The following ADPRHL1 variants were observed in gnomAD, a reference collection of about 807,000 sequenced individuals.
ADPRHL1 encodes the protein inactive ADP-ribosyltransferase ARH2.
Under a neutral mutation model 44.1 loss-of-function variants are expected in ADPRHL1, and 43 were observed. The ratio of observed to expected loss-of-function variants is 0.98; its 90% confidence interval spans 0.76 to 1.26. The LOEUF is 1.26. Ranked by LOEUF, ADPRHL1 falls within the 50% of genes most tolerant of loss-of-function variation. ADPRHL1 has a pLI of 0.00. For missense variants in ADPRHL1, 2,022 were observed against 2,496.9 expected (o/e 0.81, Z 4.05); for synonymous variants, 878 against 1,017.4 (o/e 0.86, Z 2.61).
intron 3 of ADPRHL1, among the ~76,000 whole-genome samples, chr13:113,432,668 G>A (rs2044015392): frequency 6.6e-6 from 1 of 152,188 alleles, no homozygotes; most frequent in Non-Finnish European, 1.5e-5. Context: ...GTGGGGGTGG[G>A]ACGGCCAGGC....
At position 113,405,857 on chromosome 13, in the gene ADPRHL1, C is replaced by A. The variant is rs1595535684; in HGVS notation, c.3425G>T (p.Gly1142Val). Residue 1142 changes from glycine to valine, a missense_variant, in exon 8 of 8, where the codon GGA becomes GTA. By Grantham distance (109) the Gly-to-Val change is moderately radical (BLOSUM62 -3). Coordinates refer to ENST00000612156, the MANE Select transcript of ADPRHL1 (RefSeq NM_001394807.1). ...CCACTGGCCCAGCGTCTCTGGCTCT[C>A]CCGCTGTGCGGTCTCCAGGGCTCTG... ...STQSPGDRTA[G>V]EPETLGQWGS... The A allele has an allele frequency of 8.1e-7, 1 of 1,231,956 alleles. No individual in the cohort carries two copies. 76.3% of individuals were successfully genotyped at this position (1,231,956 alleles called of 1,614,324 possible).
chr13:113,436,862 C>T (rs1481143392), intron 2 of ADPRHL1, among the ~76,000 whole-genome samples: 12 of 134,482 alleles, frequency 8.9e-5, no homozygotes, highest in East Asian at 2.3e-4. Context: ...CCCCGGGACC[C>T]GGCACCCAGG....
chr13:113,444,286 A>C, intron 2 of ADPRHL1, 139 bp downstream of exon 2: 1 of 1,237,964 alleles, frequency 8.1e-7, no homozygotes, highest in Non-Finnish European at 1.1e-6. Flanking sequence ...AGGGGCCCCC[A>C]CCCGACAAAG....
At chr13:113,430,685 C>A (rs536655842) in intron 3 of ADPRHL1, among the ~76,000 whole-genome samples, 2 of 150,284 alleles carry the variant, frequency 1.3e-5, no homozygotes, top group Non-Finnish European at 3.0e-5. Flanking sequence ...GTGACAAAAG[C>A]GGAGCAGTGA....
At chr13:113,419,458 C>T (rs1207278929) in intron 7 of ADPRHL1, among the ~76,000 whole-genome samples, 2 of 151,846 alleles carry the variant, frequency 1.3e-5, no homozygotes, top group African/African-American at 4.8e-5. Flanking sequence ...AATAAAAACT[C>T]CATCACTTAA....
At chr13:113,413,575 G>A (rs1042324048) in intron 7 of ADPRHL1, among the ~76,000 whole-genome samples, 15 of 152,198 alleles carry the variant, frequency 9.9e-5, no homozygotes, top group Admixed American at 7.2e-4. Flanking sequence ...TGGGCCTCTC[G>A]CCCTTTCCCA....
Position 113,408,129 on chromosome 13 carries a change from C to A in ADPRHL1, c.1153G>T (p.Ala385Ser), listed in dbSNP as rs1023648930. 8.1e-7 allele frequency: 1 copy of A among 1,232,058 alleles called. No homozygotes were observed. 76.3% of individuals were successfully genotyped at this position (1,232,058 alleles called of 1,614,324 possible). Residue 385 changes from alanine to serine, a missense_variant, in exon 8 of 8, where the codon GCC becomes TCC. Ala to Ser is a moderately conservative substitution (Grantham distance 99, BLOSUM62 1). Transcript: ENST00000612156. ...KMGKLACDPA[A>S]HSILSSLLLY... ...AGCAGGCTGCTGAGGATGGAGTGGG[C>A]GGCCGGGTCACAGGCCAGCTTGCCC...
In ADPRHL1 at chr13:113,407,136, C is replaced by T. The variant is rs2043815034; in HGVS notation, c.2146G>A (p.Val716Ile). 1 of 1,232,308 alleles carries T rather than the reference C, an allele frequency of 8.1e-7. No homozygotes were observed. Among genetic ancestry groups the T allele is most frequent in the Non-Finnish European group, 1.0e-6 (1 of 988,102 alleles). The allele number at this position is 1,232,308 out of a possible 1,614,324, so 76.3% of individuals were successfully genotyped here. A position where few individuals can be genotyped will look rare whatever the true frequency, so the allele number is the denominator to read the frequency against. ...GATGCAGGCACAAGGCCAGGAAGGACTCCACCTGTGCAGGGAGCACAAGAG... is the reference window on the plus strand; with the variant it reads ...GATGCAGGCACAAGGCCAGGAAGGATTCCACCTGTGCAGGGAGCACAAGAG... The part of the protein sequence containing the change: ...AFSCAPCTGG[V>I]LPGLVPASSP... The change falls in exon 8 of 8, where the codon GTC becomes ATC. Residue 716 changes from valine to isoleucine, a missense_variant. Around this residue, in one of 8 missense-constraint regions of ADPRHL1, gnomAD observed 1,221 missense variants for 1,517.8 expected, o/e 0.80. Coordinates refer to ENST00000612156, the MANE Select transcript of ADPRHL1 (RefSeq NM_001394807.1).
chr13:113,443,106 G>A (rs1306207305), intron 2 of ADPRHL1, among the ~76,000 whole-genome samples: 2 of 152,098 alleles, frequency 1.3e-5, no homozygotes, highest in Admixed American at 6.6e-5. Context: ...TTATGTCCTT[G>A]TCTGAGAATT....
Position 113,403,043 on chromosome 13 carries a change from C to G in ADPRHL1, c.*335G>C, listed in dbSNP as rs2043774323. ...CGAAGGGGACGCACACACCGTGCCA[C>G]TGCGGGAGGTGTGAGCTCCACGCTG... On this transcript the variant is annotated 3_prime_UTR_variant, in exon 8 of 8. Transcript: ENST00000612156. 1 of 193,046 alleles carries G rather than the reference C, an allele frequency of 5.2e-6. No individual in the cohort carries two copies. The highest frequency in any genetic ancestry group is 2.3e-5 in the African/African-American group (1 of 43,136). 12.0% of individuals were successfully genotyped at this position (193,046 alleles called of 1,614,324 possible).
chr13:113,448,337 T>C (rs894963115), intron 1 of ADPRHL1, among the ~76,000 whole-genome samples: 18 of 151,486 alleles, frequency 1.2e-4, no homozygotes, highest in African/African-American at 4.4e-4. Flanking sequence ...CTACTAAAAA[T>C]ACAAAGTTAG....
At chr13:113,425,686 T>TTC (rs1797860719) in intron 4 of ADPRHL1, among the ~76,000 whole-genome samples, 2 of 67,520 alleles carry the variant, frequency 3.0e-5, no homozygotes, top group Admixed American at 4.5e-4. Flanking sequence ...TTTTCTTTCT[T>TTC]TTTTTTTTTT....
chr13:113,448,423 G>C (rs2044156763), intron 1 of ADPRHL1, among the ~76,000 whole-genome samples: 2 of 125,760 alleles, frequency 1.6e-5, no homozygotes, highest in Non-Finnish European at 3.1e-5. Flanking sequence ...CCGAGATCGC[G>C]CCACTGTACT....
chr13:113,434,111 G>A (rs1375152030), intron 2 of ADPRHL1, among the ~76,000 whole-genome samples: 2 of 152,208 alleles, frequency 1.3e-5, no homozygotes, highest in Non-Finnish European at 2.9e-5. Context: ...TTGATGGCCT[G>A]GAGATATGCT....
chr13:113,430,779 A>T (rs941415580), intron 3 of ADPRHL1, among the ~76,000 whole-genome samples: 7 of 151,888 alleles, frequency 4.6e-5, no homozygotes, highest in African/African-American at 1.7e-4. Context: ...TGGCGGTGAC[A>T]GTGTTGCTAG....
At chr13:113,424,070 T>A (rs2043945570) in intron 6 of ADPRHL1, 147 bp downstream of exon 6, 2 of 1,109,552 alleles carry the variant, frequency 1.8e-6, no homozygotes, top group East Asian at 5.2e-5. Context: ...CCTCCCAAAG[T>A]GGGTTCCAGA....
chr13:113,424,420 T>C (rs2139619119), intron 5 of ADPRHL1, 71 bp from the exon 6 acceptor site: 1 of 1,586,748 alleles, frequency 6.3e-7, no homozygotes, highest in Non-Finnish European at 8.6e-7. Context: ...CAGCACAAGC[T>C]TTCTGGGCCC....
At chr13:113,412,240 C>G (rs1468344224) in intron 7 of ADPRHL1, among the ~76,000 whole-genome samples, 2 of 152,182 alleles carry the variant, frequency 1.3e-5, no homozygotes, top group Non-Finnish European at 2.9e-5. Flanking sequence ...TGCAGTGGCG[C>G]GATCTCGACT....
chr13:113,440,389 CTGTA>C (rs1882970110), intron 2 of ADPRHL1, among the ~76,000 whole-genome samples: 1 of 151,818 alleles, frequency 6.6e-6, no homozygotes, highest in African/African-American at 2.4e-5. Flanking sequence ...CAAAATTTTA[CTGTA>C]TGTGTTACTA....
Sources: allele counts gnomAD v4.1 joint callset (sites outside exome capture counted in the v4.1 genomes callset), GRCh38; gene constraint gnomAD v4.1.1; regional missense constraint gnomAD v4.1.1; transcripts MANE v1.5; gene names NCBI Gene and HGNC (gene_info 2026-07-23, HGNC 2026-07-21).